GPR180: variants seen among roughly 807,000 people sequenced by gnomAD.
GPR180 encodes the protein G protein-coupled receptor 180, also known as integral membrane protein GPR180.
GPR180 carries 53 observed loss-of-function variants against 52.6 expected under a neutral mutation model. The ratio of observed to expected loss-of-function variants is 1.01; its 90% confidence interval spans 0.81 to 1.27. The LOEUF (loss-of-function observed/expected upper bound fraction) is 1.27. GPR180 is among the 50% of genes most tolerant of loss of function. The pLI, the probability that GPR180 is intolerant of heterozygous loss-of-function variation, is 0.00. For missense variants in GPR180, 533 were observed against 527.0 expected (o/e 1.01, Z -0.11); for synonymous variants, 200 against 193.1 (o/e 1.04, Z -0.30).
chr13:94,616,340 A>G (rs1393873498), intron 3 of GPR180, among the ~76,000 whole-genome samples: 1 of 152,210 alleles, frequency 6.6e-6, no homozygotes, highest in Non-Finnish European at 1.5e-5. Flanking sequence ...TAATCAGGAT[A>G]TATCTTGAGA....
intron 6 of GPR180, among the ~76,000 whole-genome samples, chr13:94,622,159 A>C (rs755010951): frequency 1.3e-5 from 2 of 152,102 alleles, no homozygotes; most frequent in Non-Finnish European, 2.9e-5. Flanking sequence ...TTTAGAAAGG[A>C]GGTAGTGCCA....
chr13:94,617,265 A>T (rs1462214891), intron 3 of GPR180, among the ~76,000 whole-genome samples: 1 of 152,156 alleles, frequency 6.6e-6, no homozygotes, highest in East Asian at 1.9e-4. Flanking sequence ...CTTTAAATTG[A>T]ATGCCATGTT....
At position 94,625,912 on chromosome 13, in the gene GPR180, A is replaced by C. The variant is rs1463495555; in HGVS notation, c.1087-54A>C. ...CTAGTAACATTTTTTTGTCTGGTAC[A>C]TGCTGAAAAAAAGCTACACAGTTCT... On this transcript the variant is annotated intron_variant, in intron 7 of 8. Transcript: ENST00000376958. 5 of 1,382,080 alleles carry C rather than the reference A, an allele frequency of 3.6e-6. No individual in the cohort carries two copies. In the Admixed American group the frequency reaches 5.2e-5, roughly 14 times the overall value. The allele number at this position is 1,382,080 out of a possible 1,614,324, so 85.6% of individuals were successfully genotyped here.
At chr13:94,603,496 A>G (rs537689820) in intron 1 of GPR180, among the ~76,000 whole-genome samples, 54 of 152,322 alleles carry the variant, frequency 3.5e-4, no homozygotes, top group African/African-American at 1.2e-3. Context: ...GTAAAATCAC[A>G]TATAGTTATT....
At chr13:94,606,109 T>G (rs2139563611) in intron 2 of GPR180, among the ~76,000 whole-genome samples, 2 of 152,262 alleles carry the variant, frequency 1.3e-5, no homozygotes, top group Non-Finnish European at 2.9e-5. Context: ...CTGGCCAACA[T>G]GGTGAAACCC....
rs757708420 is a variant in GPR180 at position 94,601,903 on chromosome 13, C to G, written c.-25C>G. 7.8e-6 allele frequency: 11 copies of G among 1,402,244 alleles called. No individual in the cohort carries two copies. Among genetic ancestry groups the G allele is most frequent in the Non-Finnish European group, 1.0e-5 (11 of 1,079,620 alleles). 86.9% of individuals were successfully genotyped at this position (1,402,244 alleles called of 1,614,324 possible). ...AGCCGCCGGCGGCTGGGAGCCGAGGCGTCGGTGCAGACCTGGAGACGGGCA... is the reference window on the plus strand; with the variant it reads ...AGCCGCCGGCGGCTGGGAGCCGAGGGGTCGGTGCAGACCTGGAGACGGGCA... On this transcript the variant is annotated 5_prime_UTR_variant, in exon 1 of 9. Transcript: ENST00000376958.
intron 7 of GPR180, among the ~76,000 whole-genome samples, chr13:94,624,615 T>A (rs1889898725): frequency 6.6e-6 from 1 of 152,252 alleles, no homozygotes; most frequent in South Asian, 2.1e-4. Context: ...TGGAGTGCAG[T>A]GGCGTGATCT....
Position 94,627,397 on chromosome 13 carries a change from A to G in GPR180, c.*226A>G. 2 of 457,080 alleles carry G rather than the reference A, an allele frequency of 4.4e-6. No individual in the cohort carries two copies. The highest frequency in any genetic ancestry group is 3.9e-5 in the East Asian group (1 of 25,752). The allele number at this position is 457,080 out of a possible 1,614,324, so 28.3% of individuals were successfully genotyped here. Reference sequence around the variant, plus strand: ...AACAAACTTTGAAGAAAGTGTTGTTATAAAATTATTGAAGCGATTTCTATG... The same window carrying G: ...AACAAACTTTGAAGAAAGTGTTGTTGTAAAATTATTGAAGCGATTTCTATG... On this transcript the variant is annotated 3_prime_UTR_variant, in exon 9 of 9. Coordinates refer to ENST00000376958, the MANE Select transcript of GPR180 (RefSeq NM_180989.6).
At position 94,623,406 on chromosome 13, in the gene GPR180, T is replaced by C. The variant is rs113291412; in HGVS notation, c.1086+106T>C. ...TGCTAACTTTTATTAAACTTCTGGG[T>C]TGGGCACAGTGGCTCACTCCTATAA... is the stretch of plus-strand genomic sequence containing the variant. On this transcript the variant is annotated intron_variant, in intron 7 of 8. Coordinates refer to ENST00000376958, the MANE Select transcript of GPR180 (RefSeq NM_180989.6). The C allele has an allele frequency of 9.3e-4, 790 of 851,270 alleles. 2 individuals are homozygous for C. The African/African-American group carries it at 9.7e-3, about 10-fold the overall frequency. The allele number at this position is 851,270 out of a possible 1,614,324, so 52.7% of individuals were successfully genotyped here.
chr13:94,601,876 G>A lies in GPR180; in HGVS notation c.-52G>A. The A allele has an allele frequency of 1.5e-6, 2 of 1,333,376 alleles. No individual in the cohort carries two copies. The highest frequency in any genetic ancestry group is 1.9e-6 in the Non-Finnish European group (2 of 1,040,640). 82.6% of individuals were successfully genotyped at this position (1,333,376 alleles called of 1,614,324 possible). ...TCCCCCAGCTGCCGACGTGGGGCGG[G>A]CAGCCGCCGGCGGCTGGGAGCCGAG... On this transcript the variant is annotated 5_prime_UTR_variant, in exon 1 of 9. Coordinates refer to ENST00000376958, the MANE Select transcript of GPR180 (RefSeq NM_180989.6).
Position 94,633,344 on chromosome 13 carries a change from A to C in GPR180, c.*6173A>C, listed in dbSNP as rs1450104482. 6.6e-6 allele frequency: 1 copy of C among 152,128 alleles called. No individual in the cohort carries two copies. Among genetic ancestry groups the C allele is most frequent in the Non-Finnish European group, 1.5e-5 (1 of 68,014 alleles). 9.4% of individuals were successfully genotyped at this position (152,128 alleles called of 1,614,324 possible). A position where few individuals can be genotyped will look rare whatever the true frequency, so the allele number is the denominator to read the frequency against. The stretch of plus-strand genomic sequence containing the variant: ...TCCTGATGATCCGTGCAAAACAAAA[A>C]CACTTAACAGAAAATTACGTTGTAC... On this transcript the variant is annotated 3_prime_UTR_variant, in exon 9 of 9. Coordinates refer to ENST00000376958, the MANE Select transcript of GPR180 (RefSeq NM_180989.6).
chr13:94,621,244 T>A lies in GPR180; in HGVS notation c.894+9T>A, dbSNP rs1889848166. On this transcript the variant is annotated intron_variant, in intron 6 of 8. Coordinates refer to ENST00000376958, the MANE Select transcript of GPR180 (RefSeq NM_180989.6). ...TCATTGTCATGACACAGGTGGGTAT[T>A]GATACTCAGTGTTTCTGCTTAGTAA... 1 of 1,562,246 alleles carries A rather than the reference T, an allele frequency of 6.4e-7. No individual in the cohort carries two copies. Among genetic ancestry groups the A allele is most frequent in the Non-Finnish European group, 8.6e-7 (1 of 1,159,830 alleles).
rs187994388 is a variant in GPR180, at chr13:94,610,832, G to C, written c.305-1358G>C. 9.9e-5 allele frequency among the ~76,000 whole-genome samples: 15 copies of C among 152,284 alleles called. No homozygotes were observed. In the East Asian group the frequency reaches 2.9e-3, roughly 29 times the overall value. On this transcript the variant is annotated intron_variant, in intron 2 of 8. Coordinates refer to ENST00000376958, the MANE Select transcript of GPR180 (RefSeq NM_180989.6). ...CAGCCCCCCTCCAAGTATCTAACCA[G>C]CTATTGTGACAAAAAACTATCCCCT...
intron 3 of GPR180, among the ~76,000 whole-genome samples, chr13:94,618,419 G>GTTTTTTTTTTTTTTTTTT (rs1566980109): frequency 1.4e-5 from 1 of 72,976 alleles, no homozygotes; most frequent in African/African-American, 1.2e-4. Flanking sequence ...ATCAGCACAG[G>GTTTTTTTTTTTTTTTTTT]ATTTTTTTTT....
In GPR180 at chr13:94,621,073, A is replaced by T. The variant is rs746678004; in HGVS notation, c.737-5A>T. ...TGGTTGACGTTGGTTTTCATGTCCCATTAGTTTTTGACATCGCTTCCCAAA... is the reference window on the plus strand; with the variant it reads ...TGGTTGACGTTGGTTTTCATGTCCCTTTAGTTTTTGACATCGCTTCCCAAA... On this transcript the variant is annotated splice_region_variant and splice_polypyrimidine_tract_variant and intron_variant, in intron 5 of 8. Coordinates refer to ENST00000376958, the MANE Select transcript of GPR180 (RefSeq NM_180989.6). The T allele has an allele frequency of 1.2e-6, 2 of 1,600,476 alleles. No homozygotes were observed. Among genetic ancestry groups the T allele is most frequent in the South Asian group, 1.1e-5 (1 of 87,776 alleles).
chr13:94,619,603 T>G, intron 5 of GPR180, 86 bp downstream of exon 5: 1 of 1,120,372 alleles, frequency 8.9e-7, no homozygotes, highest in South Asian at 1.4e-5. Flanking sequence ...ATAAATTTTC[T>G]GTCGAAAATT....
rs1246632162 is a variant in GPR180 at position 94,634,263 on chromosome 13, C to T, written c.*7092C>T. ...TTTCTTAACGTGTTGAGTGTTAAAC[C>T]CACAGGTGGTAGCATGACATTGACT... On this transcript the variant is annotated 3_prime_UTR_variant, in exon 9 of 9. Coordinates refer to ENST00000376958, the MANE Select transcript of GPR180 (RefSeq NM_180989.6). 1 of 151,880 alleles carries T rather than the reference C, an allele frequency of 6.6e-6. No individual in the cohort carries two copies. Among genetic ancestry groups the T allele is most frequent in the African/African-American group, 2.4e-5 (1 of 41,354 alleles). 9.4% of individuals were successfully genotyped at this position (151,880 alleles called of 1,614,324 possible). A position where few individuals can be genotyped will look rare whatever the true frequency, so the allele number is the denominator to read the frequency against.
intron 2 of GPR180, among the ~76,000 whole-genome samples, chr13:94,609,625 A>G (rs1889678177): frequency 6.6e-6 from 1 of 152,216 alleles, no homozygotes. Context: ...TATAATTGCA[A>G]ATTGCACATT....
chr13:94,616,074 C>T (rs1034145656), intron 3 of GPR180, among the ~76,000 whole-genome samples: 1 of 152,172 alleles, frequency 6.6e-6, no homozygotes, highest in African/African-American at 2.4e-5. Flanking sequence ...AGCTAGCTGC[C>T]TCAAGTTCAA....
Sources: allele counts gnomAD v4.1 joint callset (sites outside exome capture counted in the v4.1 genomes callset), GRCh38; gene constraint gnomAD v4.1.1; transcripts MANE v1.5; gene names NCBI Gene and HGNC (gene_info 2026-07-23, HGNC 2026-07-21).